The following PALS1 variants were observed in gnomAD, a reference collection of about 807,000 sequenced individuals.
The protein encoded by PALS1 is protein PALS1.
PALS1 carries 31 observed loss-of-function variants against 78.9 expected under a neutral mutation model. That is an observed-to-expected ratio of 0.39 (90% CI 0.30 to 0.53). The LOEUF is 0.53. Ranked by LOEUF, PALS1 falls within the 20% of genes least tolerant of loss-of-function variation. The probability of loss-of-function intolerance (pLI) is 0.67; values close to 1 mark genes in which losing one functional copy is unlikely to be tolerated. For synonymous variants in PALS1, 276 were observed against 270.9 expected (o/e 1.02, Z -0.18); for missense variants, 704 against 826.5 (o/e 0.85, Z 1.82).
chr14:67,276,485 CAA>C (rs2084508364), intron 2 of PALS1, among the ~76,000 whole-genome samples: 1 of 151,980 alleles, frequency 6.6e-6, no homozygotes, highest in Non-Finnish European at 1.5e-5. Flanking sequence ...TACCACAGAC[CAA>C]GTTTTATAGT....
intron 3 of PALS1, among the ~76,000 whole-genome samples, chr14:67,291,467 T>C (rs966285745): frequency 2.6e-5 from 4 of 152,102 alleles, no homozygotes; most frequent in African/African-American, 7.2e-5. Context: ...GTATTTTTAA[T>C]AGAGACGGGG....
chr14:67,326,939 C>T (rs982843367), intron 14 of PALS1, among the ~76,000 whole-genome samples: 4 of 152,182 alleles, frequency 2.6e-5, no homozygotes, highest in African/African-American at 9.7e-5. Flanking sequence ...CTTTGGGAGG[C>T]CGAGGCGGGC....
chr14:67,319,025 T>C (rs948717332), intron 11 of PALS1, among the ~76,000 whole-genome samples: 1 of 149,962 alleles, frequency 6.7e-6, no homozygotes, highest in East Asian at 2.0e-4. Flanking sequence ...GCCACTGCAC[T>C]CCAGCCTGGG....
intron 2 of PALS1, among the ~76,000 whole-genome samples, chr14:67,274,233 T>C (rs1682763115): frequency 6.6e-6 from 1 of 152,216 alleles, no homozygotes; most frequent in African/African-American, 2.4e-5. Flanking sequence ...CTAGGTTTTC[T>C]TCTAGGGTTT....
intron 2 of PALS1, among the ~76,000 whole-genome samples, chr14:67,277,562 TAGTAGGTTTA>T (rs2084526748): frequency 6.6e-6 from 1 of 151,900 alleles, no homozygotes; most frequent in Admixed American, 6.6e-5. Context: ...CTCAAGGAGG[TAGTAGGTTTA>T]TTACTGTAAA....
At chr14:67,318,930 T>C (rs1177960228) in intron 11 of PALS1, among the ~76,000 whole-genome samples, 2 of 151,848 alleles carry the variant, frequency 1.3e-5, no homozygotes, top group Non-Finnish European at 2.9e-5. Flanking sequence ...TGATGGCGGG[T>C]GCCTGTAGTC....
chr14:67,243,746 T>C (rs2083941839), intron 1 of PALS1, among the ~76,000 whole-genome samples: 1 of 152,036 alleles, frequency 6.6e-6, no homozygotes. Flanking sequence ...TCCGCCCGCC[T>C]CGCCCTCCCA....
chr14:67,322,364 AAAC>A (rs2085275212), intron 13 of PALS1, among the ~76,000 whole-genome samples: 1 of 152,046 alleles, frequency 6.6e-6, no homozygotes, highest in African/African-American at 2.4e-5. Flanking sequence ...AAAAACAAAA[AAAC>A]CTAATTTTAG....
intron 1 of PALS1, among the ~76,000 whole-genome samples, chr14:67,244,298 A>G (rs756742082): frequency 2.0e-5 from 3 of 152,204 alleles, no homozygotes; most frequent in Admixed American, 6.5e-5. Flanking sequence ...ATAGGTTGAT[A>G]TGTGTTTTCA....
chr14:67,314,514 G>A (rs73282775), intron 9 of PALS1, among the ~76,000 whole-genome samples: 4 of 152,018 alleles, frequency 2.6e-5, no homozygotes, highest in Non-Finnish European at 5.9e-5. Context: ...GCTAAAACCC[G>A]TGATTCTTCA....
At chr14:67,289,729 G>A (rs2084744162) in intron 3 of PALS1, among the ~76,000 whole-genome samples, 1 of 150,358 alleles carries the variant, frequency 6.7e-6, no homozygotes, top group South Asian at 2.1e-4. Flanking sequence ...TAAGAAGAGA[G>A]CTGACAAAAA....
chr14:67,292,422 T>C, intron 3 of PALS1, 89 bp from the exon 4 acceptor site: 1 of 868,344 alleles, frequency 1.2e-6, no homozygotes, highest in South Asian at 1.7e-5. Context: ...ACTTAAATTG[T>C]TACTGGTTCA....
At chr14:67,284,340 G>C (rs181759125) in intron 3 of PALS1, among the ~76,000 whole-genome samples, 2 of 150,208 alleles carry the variant, frequency 1.3e-5, no homozygotes, top group Admixed American at 1.3e-4. Context: ...GTTCACGCCC[G>C]TATTAGTAGC....
chr14:67,329,757 C>T (rs1194463019), intron 14 of PALS1, among the ~76,000 whole-genome samples: 2 of 151,998 alleles, frequency 1.3e-5, no homozygotes, highest in African/African-American at 4.8e-5. Context: ...TGGTGCACGC[C>T]TGTGGTACTG....
At chr14:67,263,849 T>C in intron 1 of PALS1, among the ~76,000 whole-genome samples, 1 of 111,956 alleles carries the variant, frequency 8.9e-6, no homozygotes, top group Non-Finnish European at 1.6e-5. Flanking sequence ...ACCATTTAAA[T>C]AATTGTTCTG....
At chr14:67,319,134 G>GA (rs747183520) in intron 11 of PALS1, among the ~76,000 whole-genome samples, 48 of 152,174 alleles carry the variant, frequency 3.2e-4, no homozygotes, top group Non-Finnish European at 5.4e-4. Flanking sequence ...GGTTGAGCTG[G>GA]AATTTAAACA....
At chr14:67,319,882 A>G (rs890820730) in intron 11 of PALS1, among the ~76,000 whole-genome samples, 1 of 152,212 alleles carries the variant, frequency 6.6e-6, no homozygotes, top group Non-Finnish European at 1.5e-5. Flanking sequence ...GAATATTAAT[A>G]TCTGCATTCT....
rs1481967253 is a variant in PALS1 at position 67,320,049 on chromosome 14, G to A, written c.1370-181G>A. Among the ~76,000 whole-genome samples the A allele has an allele frequency of 3.3e-5, 5 of 152,246 alleles. No homozygotes were observed. The South Asian group carries it at 6.2e-4, about 19-fold the overall frequency. The stretch of plus-strand genomic sequence containing the variant: ...ATTTTTTATTTCAAATATGAAATGA[G>A]ATAAAAATTAATAGAAGGAGTATTA... On this transcript the variant is annotated intron_variant, in intron 11 of 14. Coordinates refer to ENST00000261681, the MANE Select transcript of PALS1 (RefSeq NM_022474.4).
intron 3 of PALS1, among the ~76,000 whole-genome samples, chr14:67,290,372 T>C (rs558052479): frequency 1.3e-5 from 2 of 152,288 alleles, no homozygotes; most frequent in African/African-American, 4.8e-5. Context: ...GACTCTGATA[T>C]GTGTAAGAAT....
Sources: gnomAD v4.1 joint callset for allele counts (sites outside exome capture counted in the v4.1 genomes callset) on GRCh38, gnomAD v4.1.1 for gene constraint, MANE v1.5 for transcripts, NCBI Gene and HGNC (gene_info 2026-07-23, HGNC 2026-07-21) for gene names.